Variants in RALYL observed in about 807,000 individuals in gnomAD.
RALYL encodes RALY RNA binding protein like.
In RALYL, 29 loss-of-function variants were observed where a neutral mutation model predicts 35.1. That is an observed-to-expected ratio of 0.83 (90% CI 0.61 to 1.13). The LOEUF is 1.13. RALYL is among the 50% of genes most tolerant of loss of function. The pLI is 0.00. For synonymous variants in RALYL, 120 were observed against 127.6 expected (o/e 0.94, Z 0.40); for missense variants, 359 against 360.4 (o/e 1.00, Z 0.03).
chr8:84,912,091 T>C (rs1387738146), intron 8 of RALYL, among the ~76,000 whole-genome samples: 1 of 152,078 alleles, frequency 6.6e-6, no homozygotes, highest in Admixed American at 6.6e-5. Context: ...TCAAACCCTC[T>C]AGTCATTCAG....
At chr8:84,292,305 A>G (rs1337112714) in intron 1 of RALYL, among the ~76,000 whole-genome samples, 4 of 152,158 alleles carry the variant, frequency 2.6e-5, no homozygotes, top group African/African-American at 9.7e-5. Context: ...TTACAAGTGC[A>G]TACTATTCTA....
At chr8:84,239,171 C>T (rs554319228) in intron 1 of RALYL, among the ~76,000 whole-genome samples, 1 of 152,152 alleles carries the variant, frequency 6.6e-6, no homozygotes, top group Non-Finnish European at 1.5e-5. Context: ...AGTAGGTATA[C>T]AGAAAATGCC....
intron 2 of RALYL, among the ~76,000 whole-genome samples, chr8:84,602,772 T>C (rs1816252820): frequency 6.6e-6 from 1 of 152,156 alleles, no homozygotes. Context: ...GACTTTGTCC[T>C]GGCCCTCGTT....
intron 2 of RALYL, among the ~76,000 whole-genome samples, chr8:84,543,708 A>T (rs2060170445): frequency 6.6e-6 from 1 of 152,008 alleles, no homozygotes; most frequent in Admixed American, 6.6e-5. Context: ...GGTCGTTTTG[A>T]CATAACTCTA....
chr8:84,680,284 A>G (rs1233419991), intron 2 of RALYL, among the ~76,000 whole-genome samples: 1 of 152,088 alleles, frequency 6.6e-6, no homozygotes, highest in Admixed American at 6.5e-5. Flanking sequence ...AGTCTTTGCT[A>G]TTGTGAATAG....
chr8:84,833,068 T>A (rs181334766), intron 4 of RALYL, among the ~76,000 whole-genome samples: 134 of 152,304 alleles, frequency 8.8e-4, no homozygotes, highest in African/African-American at 3.2e-3. Flanking sequence ...CCTTCTTCTC[T>A]AGCTGTCTTC....
At chr8:84,568,991 G>T (rs1245635197) in intron 2 of RALYL, among the ~76,000 whole-genome samples, 1 of 144,974 alleles carries the variant, frequency 6.9e-6, no homozygotes, top group Non-Finnish European at 1.5e-5. Context: ...CTCCCATTTT[G>T]TAGGTTGCCT....
chr8:84,248,797 G>A (rs7819388), intron 1 of RALYL, among the ~76,000 whole-genome samples: 4,049 of 152,124 alleles, frequency 0.027, 186 homozygotes, highest in African/African-American at 0.092. Flanking sequence ...CATATAAGTA[G>A]CAGCAGTTTC....
At chr8:84,730,383 C>A (rs1245237362) in intron 2 of RALYL, among the ~76,000 whole-genome samples, 1 of 152,094 alleles carries the variant, frequency 6.6e-6, no homozygotes, top group Admixed American at 6.6e-5. Flanking sequence ...TGGGATGTAT[C>A]TCAAAATAAT....
At chr8:84,194,383 C>T (rs1814708443) in intron 1 of RALYL, among the ~76,000 whole-genome samples, 2 of 151,538 alleles carry the variant, frequency 1.3e-5, no homozygotes, top group South Asian at 4.2e-4. Flanking sequence ...GGACTTTAGT[C>T]CTTTCTTTGG....
chr8:84,522,357 CT>C (rs1409992956), intron 1 of RALYL, among the ~76,000 whole-genome samples: 1 of 149,172 alleles, frequency 6.7e-6, no homozygotes, highest in Non-Finnish European at 1.5e-5. Flanking sequence ...TCACGTCATT[CT>C]CCTGCCTCAG....
intron 3 of RALYL, 133 bp downstream of exon 3, chr8:84,774,787 T>TACTTTA: frequency 1.5e-6 from 1 of 648,328 alleles, no homozygotes; most frequent in Non-Finnish European, 2.7e-6. Flanking sequence ...ACAAATGTTG[T>TACTTTA]TGGTCAACAT....
chr8:84,870,789 A>G (rs1465180329), intron 6 of RALYL, among the ~76,000 whole-genome samples: 1 of 152,134 alleles, frequency 6.6e-6, no homozygotes, highest in Non-Finnish European at 1.5e-5. Flanking sequence ...AATAGCACAA[A>G]ACCGTACCCC....
chr8:84,774,704 C>T, intron 3 of RALYL, 50 bp downstream of exon 3: 1 of 1,263,490 alleles, frequency 7.9e-7, no homozygotes, highest in Non-Finnish European at 1.1e-6. Context: ...AATTTTCTTG[C>T]AGCTTTATAA....
chr8:84,376,235 G>C (rs964054066), intron 1 of RALYL, among the ~76,000 whole-genome samples: 15 of 151,796 alleles, frequency 9.9e-5, no homozygotes, highest in Admixed American at 2.6e-4. Context: ...CTCAGTACTT[G>C]GAATAGTTTT....
chr8:84,662,856 A>T (rs1307793225), intron 2 of RALYL, among the ~76,000 whole-genome samples: 1 of 152,050 alleles, frequency 6.6e-6, no homozygotes, highest in Non-Finnish European at 1.5e-5. Flanking sequence ...AAGTTCAGGG[A>T]TACATGTGCA....
intron 4 of RALYL, among the ~76,000 whole-genome samples, chr8:84,807,820 A>C (rs554536554): frequency 5.9e-5 from 9 of 152,270 alleles, no homozygotes; most frequent in African/African-American, 2.2e-4. Flanking sequence ...TCTTCATTTG[A>C]GTACTATCTA....
chr8:84,727,837 T>G (rs1489534128), intron 2 of RALYL, among the ~76,000 whole-genome samples: 2 of 151,998 alleles, frequency 1.3e-5, no homozygotes, highest in African/African-American at 4.8e-5. Flanking sequence ...TATTCCATGG[T>G]GTATATGTGC....
intron 2 of RALYL, among the ~76,000 whole-genome samples, chr8:84,687,145 G>T (rs909054657): frequency 1.7e-4 from 26 of 152,074 alleles, no homozygotes; most frequent in African/African-American, 6.3e-4. Context: ...TTCAGCCAAA[G>T]AAATATTGTT....
Sources: gnomAD v4.1 joint callset for allele counts (sites outside exome capture counted in the v4.1 genomes callset) on GRCh38, gnomAD v4.1.1 for gene constraint, MANE v1.5 for transcripts, NCBI Gene and HGNC (gene_info 2026-07-23, HGNC 2026-07-21) for gene names.